The following IL1RAPL1 variants were observed in gnomAD, a reference collection of about 807,000 sequenced individuals.
IL1RAPL1 encodes interleukin 1 receptor accessory protein like 1.
A neutral mutation model predicts 48.4 loss-of-function variants in IL1RAPL1; 3 were observed. The observed-to-expected ratio is 0.06, with a 90% CI of 0.03 to 0.16. The LOEUF is 0.16. Among genes scored for constraint, IL1RAPL1 ranks in the 10% least tolerant of loss-of-function variants. IL1RAPL1 has a pLI of 1.00. For missense variants in IL1RAPL1, 349 were observed against 530.6 expected (o/e 0.66, Z 3.36); for synonymous variants, 185 against 187.7 (o/e 0.99, Z 0.12).
intron 1 of IL1RAPL1, among the ~76,000 whole-genome samples, chrX:28,767,303 G>A (rs1936252273): frequency 9.0e-6 from 1 of 111,051 alleles, no homozygotes; most frequent in Non-Finnish European, 1.9e-5. Flanking sequence ...TAGTATGAAA[G>A]TGTCATTGAC....
At chrX:29,135,944 C>T (rs1410079553) in intron 2 of IL1RAPL1, among the ~76,000 whole-genome samples, 5 of 110,249 alleles carry the variant, frequency 4.5e-5, no homozygotes, top group Non-Finnish European at 7.6e-5. Context: ...GCCATGTTGG[C>T]CAGGCTGGTC....
chrX:29,523,813 C>G (rs1337942910), intron 5 of IL1RAPL1, among the ~76,000 whole-genome samples: 2 of 111,471 alleles, frequency 1.8e-5, no homozygotes, highest in Non-Finnish European at 3.8e-5. Flanking sequence ...GTTTAATTTA[C>G]TAGCTGCTCA....
chrX:28,880,496 T>C (rs986744848), intron 2 of IL1RAPL1, among the ~76,000 whole-genome samples: 1 of 112,570 alleles, frequency 8.9e-6, no homozygotes, highest in Non-Finnish European at 1.9e-5. Flanking sequence ...AGAGGAGTAC[T>C]TAATTTGCAT....
At chrX:29,678,703 T>G (rs1021687623) in intron 6 of IL1RAPL1, among the ~76,000 whole-genome samples, 3 of 111,388 alleles carry the variant, frequency 2.7e-5, no homozygotes, top group African/African-American at 9.8e-5. Flanking sequence ...GGATCTTTAT[T>G]TAATTTTGTA....
intron 5 of IL1RAPL1, among the ~76,000 whole-genome samples, chrX:29,654,987 T>C (rs1434428898): frequency 2.7e-5 from 3 of 111,926 alleles, no homozygotes; most frequent in Non-Finnish European, 5.6e-5. Context: ...ACTTTCTTTT[T>C]GGTTACAGCA....
intron 3 of IL1RAPL1, among the ~76,000 whole-genome samples, chrX:29,309,570 T>G (rs1829493356): frequency 8.9e-6 from 1 of 111,927 alleles, no homozygotes; most frequent in Admixed American, 9.4e-5. Context: ...CCCAGCACTT[T>G]GGGAGGCCAA....
chrX:29,714,572 G>A lies in IL1RAPL1; in HGVS notation c.778+46068G>A, dbSNP rs529684437. Among the ~76,000 whole-genome samples the A allele has an allele frequency of 7.8e-4, 87 of 111,807 alleles. 1 individual carries two copies. In the South Asian group the frequency reaches 0.01, roughly 13 times the overall value. On this transcript the variant is annotated intron_variant, in intron 6 of 10. Coordinates refer to ENST00000378993, the MANE Select transcript of IL1RAPL1 (RefSeq NM_014271.4). ...ATTTTATATGATATTTGGATATATTGGTTTGGAAGGAGACAGTCATGATCT... is the reference window on the plus strand; with the variant it reads ...ATTTTATATGATATTTGGATATATTAGTTTGGAAGGAGACAGTCATGATCT...
rs542153945 is a variant in IL1RAPL1, at chrX:29,654,272, C to T, written c.704-14158C>T. Reference sequence around the variant, plus strand: ...CTGTGCTATCATCTCCCAGTGCAGCCTAATCATTGACAGAGGTCAAGAAAG... The same window carrying T: ...CTGTGCTATCATCTCCCAGTGCAGCTTAATCATTGACAGAGGTCAAGAAAG... On this transcript the variant is annotated intron_variant, in intron 5 of 10. Coordinates refer to ENST00000378993, the MANE Select transcript of IL1RAPL1 (RefSeq NM_014271.4). Among the ~76,000 whole-genome samples, 441 of 110,894 alleles carry T rather than the reference C, an allele frequency of 4.0e-3. 1 individual carries two copies. Among genetic ancestry groups the T allele is most frequent in the Non-Finnish European group, 6.0e-3 (317 of 52,965 alleles).
chrX:28,694,085 T>C (rs1480380756), intron 1 of IL1RAPL1, among the ~76,000 whole-genome samples: 1 of 111,413 alleles, frequency 9.0e-6, no homozygotes, highest in Non-Finnish European at 1.9e-5. Flanking sequence ...GCGTGTTTCT[T>C]GCTTTTCTTC....
At chrX:29,178,605 T>A (rs1357672468) in intron 2 of IL1RAPL1, among the ~76,000 whole-genome samples, 1 of 111,993 alleles carries the variant, frequency 8.9e-6, no homozygotes, top group African/African-American at 3.2e-5. Context: ...TTTAATTAGA[T>A]CCCATTTGTC....
At chrX:28,916,981 T>C (rs1923503287) in intron 2 of IL1RAPL1, among the ~76,000 whole-genome samples, 1 of 112,304 alleles carries the variant, frequency 8.9e-6, no homozygotes, top group Non-Finnish European at 1.9e-5. Flanking sequence ...CATTATCCTC[T>C]GAATCACAGA....
chrX:28,768,063 G>A (rs1936262052), intron 1 of IL1RAPL1, among the ~76,000 whole-genome samples: 1 of 111,009 alleles, frequency 9.0e-6, no homozygotes, highest in Non-Finnish European at 1.9e-5. Flanking sequence ...AGATATAATG[G>A]GCTCTAATTT....
chrX:29,714,182 A>C (rs768908562), intron 6 of IL1RAPL1, among the ~76,000 whole-genome samples: 1 of 111,867 alleles, frequency 8.9e-6, no homozygotes, highest in South Asian at 3.8e-4. Flanking sequence ...CATCTTAATT[A>C]CTGAACATAT....
In IL1RAPL1 at chrX:29,193,646, A is replaced by G. The variant is rs1228838428; in HGVS notation, c.83-89292A>G. Among the ~76,000 whole-genome samples the G allele has an allele frequency of 4.5e-5, 5 of 111,250 alleles. 1 individual carries two copies. The Admixed American group carries it at 4.8e-4, about 11-fold the overall frequency. The stretch of plus-strand genomic sequence containing the variant: ...GTTGGAGGCGGGTGTCATGATAAAA[A>G]TGTAGAACAAGGGAGTAATTTTATG... On this transcript the variant is annotated intron_variant, in intron 2 of 10. Transcript: ENST00000378993.
intron 3 of IL1RAPL1, among the ~76,000 whole-genome samples, chrX:29,380,413 G>A (rs1207583861): frequency 9.0e-6 from 1 of 111,605 alleles, no homozygotes; most frequent in Non-Finnish European, 1.9e-5. Flanking sequence ...TTTTAATAGA[G>A]ATGGGGTTTC....
intron 5 of IL1RAPL1, among the ~76,000 whole-genome samples, chrX:29,666,705 T>G (rs944240128): frequency 2.7e-5 from 3 of 110,793 alleles, no homozygotes; most frequent in African/African-American, 9.9e-5. Context: ...AGATCTTTAT[T>G]TTTTGCCTTA....
chrX:28,774,242 ATTATAT>A (rs200539733), intron 1 of IL1RAPL1, among the ~76,000 whole-genome samples: 2,611 of 111,522 alleles, frequency 0.023, 85 homozygotes, highest in African/African-American at 0.08. Flanking sequence ...GTACCTGCAG[ATTATAT>A]TTATCTTATA....
chrX:29,231,196 C>A (rs1233504382), intron 2 of IL1RAPL1, among the ~76,000 whole-genome samples: 1 of 111,050 alleles, frequency 9.0e-6, no homozygotes, highest in Non-Finnish European at 1.9e-5. Flanking sequence ...ACTGACCTGG[C>A]ACAGTGTAGG....
chrX:29,268,082 A>G (rs1172348425), intron 2 of IL1RAPL1, among the ~76,000 whole-genome samples: 1 of 111,473 alleles, frequency 9.0e-6, no homozygotes, highest in South Asian at 3.8e-4. Context: ...TATCCAGCAG[A>G]ACAATCTCAT....
Sources: allele counts gnomAD v4.1 joint callset (sites outside exome capture counted in the v4.1 genomes callset), GRCh38; gene constraint gnomAD v4.1.1; transcripts MANE v1.5; gene names NCBI Gene and HGNC (gene_info 2026-07-23, HGNC 2026-07-21).